Variants in TMEM132C observed in about 807,000 individuals in gnomAD.
TMEM132C encodes the protein transmembrane protein 132C, also known as protein phosphatase 1, regulatory subunit 152.
TMEM132C carries 29 observed loss-of-function variants against 61.4 expected under a neutral mutation model. The ratio of observed to expected loss-of-function variants is 0.47; its 90% CI spans 0.35 to 0.64. The LOEUF (loss-of-function observed/expected upper bound fraction) is 0.64. Among genes scored for constraint, TMEM132C ranks in the 30% least tolerant of loss-of-function variants. The pLI, the probability that TMEM132C is intolerant of heterozygous loss-of-function variation, is 0.00. For synonymous variants in TMEM132C, 656 were observed against 633.1 expected, an observed-to-expected ratio of 1.04 and a Z score of -0.54; for missense variants, 1,408 against 1,476.9, an observed-to-expected ratio of 0.95 and a Z score of 0.76.
intron 3 of TMEM132C, among the ~76,000 whole-genome samples, chr12:128,561,404 CG>C (rs1874514088): frequency 6.6e-6 from 1 of 152,156 alleles, no homozygotes. Flanking sequence ...AGCTTGAAAA[CG>C]GAAGAGTCTT....
intron 1 of TMEM132C, among the ~76,000 whole-genome samples, chr12:128,377,336 A>T (rs1023630037): frequency 6.6e-6 from 1 of 152,190 alleles, no homozygotes; most frequent in African/African-American, 2.4e-5. Flanking sequence ...TATAGGCATG[A>T]GCCACTGTGC....
At chr12:128,646,014 G>A (rs1252400190) in intron 4 of TMEM132C, among the ~76,000 whole-genome samples, 3 of 152,056 alleles carry the variant, frequency 2.0e-5, no homozygotes, top group Non-Finnish European at 1.5e-5. Context: ...TTGGATGAGT[G>A]TGTTTCCTGG....
At chr12:128,594,902 T>G (rs923729178) in intron 3 of TMEM132C, among the ~76,000 whole-genome samples, 18 of 152,210 alleles carry the variant, frequency 1.2e-4, no homozygotes, top group African/African-American at 3.9e-4. Flanking sequence ...TCGGATTGCT[T>G]CAGTAGAACA....
intron 1 of TMEM132C, among the ~76,000 whole-genome samples, chr12:128,340,129 C>T (rs1872909646): frequency 6.6e-6 from 1 of 152,296 alleles, no homozygotes; most frequent in African/African-American, 2.4e-5. Flanking sequence ...TTTTCCTTGG[C>T]AAGGACACGC....
At chr12:128,690,148 C>G (rs1954708771) in intron 5 of TMEM132C, among the ~76,000 whole-genome samples, 1 of 152,216 alleles carries the variant, frequency 6.6e-6, no homozygotes, top group South Asian at 2.1e-4. Context: ...TCCTTACAGG[C>G]AGACACTGAT....
chr12:128,571,605 G>A (rs1337071722), intron 3 of TMEM132C, among the ~76,000 whole-genome samples: 1 of 152,070 alleles, frequency 6.6e-6, no homozygotes, highest in East Asian at 1.9e-4. Context: ...CTGTCTCTAT[G>A]AATTTGACTC....
At chr12:128,499,804 G>A (rs1328876026) in intron 2 of TMEM132C, among the ~76,000 whole-genome samples, 2 of 152,160 alleles carry the variant, frequency 1.3e-5, no homozygotes, top group Non-Finnish European at 2.9e-5. Flanking sequence ...GGGCACTTAA[G>A]CTGATTCCCT....
intron 5 of TMEM132C, among the ~76,000 whole-genome samples, chr12:128,673,101 G>A (rs951126229): frequency 1.3e-5 from 2 of 152,212 alleles, no homozygotes; most frequent in African/African-American, 2.4e-5. Context: ...CTTCGAGAAT[G>A]TGCATCTTTT....
chr12:128,497,636 C>T (rs765467597), intron 2 of TMEM132C, among the ~76,000 whole-genome samples: 7 of 152,184 alleles, frequency 4.6e-5, no homozygotes, highest in Non-Finnish European at 1.0e-4. Context: ...GAGCCAGGTG[C>T]GGGATATAAT....
At chr12:128,401,664 G>T (rs569485987) in intron 1 of TMEM132C, among the ~76,000 whole-genome samples, 3 of 152,164 alleles carry the variant, frequency 2.0e-5, no homozygotes, top group South Asian at 4.1e-4. Context: ...TGGAATCATT[G>T]CCCTTCTCCC....
chr12:128,642,779 G>A (rs1474949141), intron 4 of TMEM132C, among the ~76,000 whole-genome samples: 1 of 152,208 alleles, frequency 6.6e-6, no homozygotes, highest in African/African-American at 2.4e-5. Flanking sequence ...GCAATGCAAA[G>A]TAAACTAAAA....
Position 128,664,126 on chromosome 12 carries a change from G to C in TMEM132C, c.1306-5291G>C, listed in dbSNP as rs539429984. 2.9e-4 allele frequency among the ~76,000 whole-genome samples: 37 copies of C among 129,734 alleles called. No homozygotes were observed. In the South Asian group the frequency reaches 8.9e-3, roughly 31 times the overall value. 85.1% of individuals were successfully genotyped at this position (129,734 alleles called of 152,430 possible). A position where few individuals can be genotyped will look rare whatever the true frequency, so the allele number is the denominator to read the frequency against. On this transcript the variant is annotated intron_variant, in intron 4 of 8. Transcript: ENST00000435159. Reference sequence around the variant, plus strand: ...CACAGGCACACGCACCCGCACGCACGCGGGCACTCACACAGGCACACACAC... The same window carrying C: ...CACAGGCACACGCACCCGCACGCACCCGGGCACTCACACAGGCACACACAC...
chr12:128,267,461 T>TGCTGCTGGGCGC lies in TMEM132C; in HGVS notation c.70_81dup (p.Ala24_Gly27dup). The TGCTGCTGGGCGC allele has an allele frequency of 7.9e-7, 1 of 1,269,976 alleles. No homozygotes were observed. The highest frequency in any genetic ancestry group is 9.9e-7 in the Non-Finnish European group (1 of 1,009,910). The allele number at this position is 1,269,976 out of a possible 1,614,324, so 78.7% of individuals were successfully genotyped here. A position where few individuals can be genotyped will look rare whatever the true frequency, so the allele number is the denominator to read the frequency against. On this transcript the variant is annotated inframe_insertion, in exon 1 of 9. Transcript: ENST00000435159. ...GCGCCGCTGTGCGGGGCGCTGAGCC[T>TGCTGCTGGGCGC]GCTGCTGGGCGCGCTGCTGGGCAAA...
At position 128,651,937 on chromosome 12, in the gene TMEM132C, C is replaced by T. The variant is rs572529427; in HGVS notation, c.1306-17480C>T. Among the ~76,000 whole-genome samples, 9 of 152,270 alleles carry T rather than the reference C, an allele frequency of 5.9e-5. No homozygotes were observed. The South Asian group carries it at 1.0e-3, about 18-fold the overall frequency. On this transcript the variant is annotated intron_variant, in intron 4 of 8. Transcript: ENST00000435159. ...CTGACTCAGATGAAAACCAGCGGGA[C>T]GTTTGAGCAGAGCAGCAGCCTGGTC... is the stretch of plus-strand genomic sequence containing the variant.
intron 2 of TMEM132C, among the ~76,000 whole-genome samples, chr12:128,479,375 A>G (rs1871252481): frequency 6.6e-6 from 1 of 152,322 alleles, no homozygotes; most frequent in South Asian, 2.1e-4. Context: ...AGGAAAAAAA[A>G]GAGTAGGGGT....
intron 1 of TMEM132C, among the ~76,000 whole-genome samples, chr12:128,364,117 C>T (rs761388650): frequency 6.6e-5 from 10 of 152,070 alleles, no homozygotes; most frequent in Admixed American, 1.3e-4. Flanking sequence ...CAGAAATTGC[C>T]GTTAAAGGTT....
At chr12:128,589,402 C>T (rs1407384403) in intron 3 of TMEM132C, among the ~76,000 whole-genome samples, 2 of 152,080 alleles carry the variant, frequency 1.3e-5, no homozygotes, top group Non-Finnish European at 2.9e-5. Flanking sequence ...CCTCTCACCC[C>T]GCCTGCCTCC....
intron 4 of TMEM132C, among the ~76,000 whole-genome samples, chr12:128,664,136 A>ACACAGGCACACACACATGCG (rs1215242213): frequency 1.3e-5 from 2 of 148,946 alleles, no homozygotes; most frequent in Non-Finnish European, 3.0e-5. Flanking sequence ...GCGGGCACTC[A>ACACAGGCACACACACATGCG]CACAGGCACA....
At chr12:128,381,922 C>T (rs368954598) in intron 1 of TMEM132C, among the ~76,000 whole-genome samples, 18 of 152,286 alleles carry the variant, frequency 1.2e-4, no homozygotes, top group African/African-American at 2.6e-4. Context: ...AAGACAACCC[C>T]GCAAAGGGGA....
Sources: gnomAD v4.1 joint callset for allele counts (sites outside exome capture counted in the v4.1 genomes callset) on GRCh38, gnomAD v4.1.1 for gene constraint, MANE v1.5 for transcripts, NCBI Gene and HGNC (gene_info 2026-07-23, HGNC 2026-07-21) for gene names.